TTC33: variants seen among roughly 807,000 people sequenced by gnomAD.
TTC33 encodes tetratricopeptide repeat protein 33.
In TTC33, 24 loss-of-function variants were observed where a neutral mutation model predicts 29.4. The observed-to-expected ratio is 0.82, with a 90% CI of 0.59 to 1.15. The LOEUF (loss-of-function observed/expected upper bound fraction) is 1.15, where lower values mean the gene tolerates loss of function less well. Among genes scored for constraint, TTC33 ranks in the 50% most tolerant of loss-of-function variants. The pLI is 0.00. For synonymous variants in TTC33, 107 were observed against 100.3 expected (o/e 1.07, Z -0.40); for missense variants, 286 against 310.4 (o/e 0.92, Z 0.59).
At chr5:40,722,363 G>C (rs952700132) in intron 4 of TTC33, among the ~76,000 whole-genome samples, 1 of 151,996 alleles carries the variant, frequency 6.6e-6, no homozygotes, top group Non-Finnish European at 1.5e-5. Flanking sequence ...CTGCCTGGCC[G>C]CCCATCGTCT....
At position 40,722,395 on chromosome 5, in the gene TTC33, C is replaced by T. The variant is rs1480171929; in HGVS notation, c.436-5897G>A. On this transcript the variant is annotated intron_variant, in intron 4 of 4. Coordinates refer to ENST00000337702, the MANE Select transcript of TTC33 (RefSeq NM_012382.3). ...GTCTGGGATGTGAGGAGCCCCTCTGCCCGGCCGCCCAGTCTGGGAAGTGAG... is the reference window on the plus strand; with the variant it reads ...GTCTGGGATGTGAGGAGCCCCTCTGTCCGGCCGCCCAGTCTGGGAAGTGAG... Among the ~76,000 whole-genome samples the T allele has an allele frequency of 7.2e-5, 11 of 151,896 alleles. No individual in the cohort carries two copies. The East Asian group carries it at 2.0e-3, about 27-fold the overall frequency.
At position 40,755,823 on chromosome 5, in the gene TTC33, C is replaced by T. The variant is rs1423514436; in HGVS notation, c.-2+1G>A. 1 of 152,616 alleles carries T rather than the reference C, an allele frequency of 6.6e-6. No homozygotes were observed. The highest frequency in any genetic ancestry group is 1.5e-5 in the Non-Finnish European group (1 of 68,214). The allele number at this position is 152,616 out of a possible 1,614,324, so 9.5% of individuals were successfully genotyped here. ...AGAAATTATCACGCCCAAATTCCTA[C>T]CTGCCTTCCCTGGATTCCTGGTTTC... On this transcript the variant is annotated splice_donor_variant, in intron 1 of 4. Coordinates refer to ENST00000337702, the MANE Select transcript of TTC33 (RefSeq NM_012382.3). LOFTEE classifies it low-confidence loss of function (5UTR_SPLICE).
chr5:40,736,223 G>A (rs544098332), intron 2 of TTC33, among the ~76,000 whole-genome samples: 1 of 152,258 alleles, frequency 6.6e-6, no homozygotes, highest in South Asian at 2.1e-4. Context: ...AGAAAATAAA[G>A]TCATTCTACA....
intron 1 of TTC33, among the ~76,000 whole-genome samples, chr5:40,754,341 T>C (rs1337923778): frequency 6.6e-6 from 1 of 152,042 alleles, no homozygotes; most frequent in Non-Finnish European, 1.5e-5. Flanking sequence ...GGAGTTAATA[T>C]TGAGTGAAAC....
chr5:40,719,827 T>G (rs1407779470), intron 4 of TTC33, among the ~76,000 whole-genome samples: 2 of 152,252 alleles, frequency 1.3e-5, no homozygotes, highest in Admixed American at 1.3e-4. Context: ...ATTAGCTGTG[T>G]GTGTATCTTC....
intron 2 of TTC33, among the ~76,000 whole-genome samples, chr5:40,746,477 C>G (rs1029566310): frequency 6.6e-5 from 10 of 152,068 alleles, no homozygotes; most frequent in African/African-American, 2.4e-4. Flanking sequence ...AGTGATAAGA[C>G]CACCTTTTAC....
chr5:40,749,524 G>A (rs889338215), intron 1 of TTC33, among the ~76,000 whole-genome samples: 1 of 152,166 alleles, frequency 6.6e-6, no homozygotes, highest in Admixed American at 6.5e-5. Context: ...ACCAAAGAAT[G>A]GGCACTGTGG....
chr5:40,748,052 C>T (rs1324210897), intron 1 of TTC33, among the ~76,000 whole-genome samples: 1 of 152,168 alleles, frequency 6.6e-6, no homozygotes, highest in Non-Finnish European at 1.5e-5. Context: ...GTCTCAAACT[C>T]CTGACCTTAG....
rs780055150 is a variant in TTC33 at position 40,711,760 on chromosome 5, G to T, written c.*4385C>A. Among the ~76,000 whole-genome samples the T allele has an allele frequency of 1.5e-4, 23 of 151,952 alleles. No individual in the cohort carries two copies. Among genetic ancestry groups the T allele is most frequent in the Non-Finnish European group, 2.5e-4 (17 of 67,980 alleles). On this transcript the variant is annotated 3_prime_UTR_variant, in exon 5 of 5. Coordinates refer to ENST00000337702, the MANE Select transcript of TTC33 (RefSeq NM_012382.3). ...ACATGGATGAATCTCAACATGGATG[G>T]GTTTCAAAAGCATCATGTTAAGCAA...
At chr5:40,730,456 T>C in intron 2 of TTC33, 113 bp from the exon 3 acceptor site, 1 of 795,990 alleles carries the variant, frequency 1.3e-6, no homozygotes. Context: ...ACCATTTAAG[T>C]GTACAGTTCA....
chr5:40,719,414 T>A (rs1414463912), intron 4 of TTC33, among the ~76,000 whole-genome samples: 1 of 152,262 alleles, frequency 6.6e-6, no homozygotes, highest in Non-Finnish European at 1.5e-5. Context: ...TAATATTTCA[T>A]TGTATGGATA....
chr5:40,749,623 A>G lies in TTC33; in HGVS notation c.-1-2604T>C, dbSNP rs527864668. ...CTGATGCACATGGCTGAAGTGATGT[A>G]TAAGTACAGGCCTATCTCAGAGTTG... On this transcript the variant is annotated intron_variant, in intron 1 of 4. Coordinates refer to ENST00000337702, the MANE Select transcript of TTC33 (RefSeq NM_012382.3). Among the ~76,000 whole-genome samples the G allele has an allele frequency of 2.6e-5, 4 of 152,348 alleles. No homozygotes were observed. The South Asian group carries it at 6.2e-4, about 24-fold the overall frequency.
intron 2 of TTC33, among the ~76,000 whole-genome samples, chr5:40,739,944 T>TTA (rs1554028108): frequency 6.6e-6 from 1 of 151,926 alleles, no homozygotes; most frequent in East Asian, 1.9e-4. Context: ...TGCTTTTTTT[T>TTA]AAAAATAAAG....
chr5:40,720,673 CA>C (rs1284299996), intron 4 of TTC33, among the ~76,000 whole-genome samples: 5 of 152,256 alleles, frequency 3.3e-5, no homozygotes, highest in African/African-American at 9.6e-5. Context: ...CAACAATTCA[CA>C]AACAAAATTC....
rs948666482 is a variant in TTC33, at chr5:40,713,237, T to A, written c.*2908A>T. ...ATAGCTCAGAATTGCTGGTCCAGAG[T>A]CACTTTAGAATGGCTCTGATTCAAG... On this transcript the variant is annotated 3_prime_UTR_variant, in exon 5 of 5. Transcript: ENST00000337702. 4.6e-5 allele frequency among the ~76,000 whole-genome samples: 7 copies of A among 152,078 alleles called. No homozygotes were observed. The highest frequency in any genetic ancestry group is 1.7e-4 in the African/African-American group (7 of 41,426).
At position 40,752,590 on chromosome 5, in the gene TTC33, T is replaced by C. The variant is rs249426; in HGVS notation, c.-2+3234A>G. On this transcript the variant is annotated intron_variant, in intron 1 of 4. Transcript: ENST00000337702. ...AGAGATGGGAATAGCCAGTTGGTGG[T>C]ACAGCATTCAAAACACACATTTATT... 1.1e-3 allele frequency among the ~76,000 whole-genome samples: 166 copies of C among 152,306 alleles called. 1 individual carries two copies. In the East Asian group the frequency reaches 0.027, roughly 24 times the overall value.
intron 4 of TTC33, among the ~76,000 whole-genome samples, chr5:40,727,885 G>A (rs796066843): frequency 3.9e-5 from 6 of 152,232 alleles, no homozygotes; most frequent in African/African-American, 1.4e-4. Context: ...TAATACCTGT[G>A]AACTGTGTTT....
Position 40,737,786 on chromosome 5 carries a change from T to A in TTC33, c.222-7443A>T, listed in dbSNP as rs553752108. Among the ~76,000 whole-genome samples, 3 of 152,336 alleles carry A rather than the reference T, an allele frequency of 2.0e-5. No individual in the cohort carries two copies. The South Asian group carries it at 6.2e-4, about 32-fold the overall frequency. On this transcript the variant is annotated intron_variant, in intron 2 of 4. Coordinates refer to ENST00000337702, the MANE Select transcript of TTC33 (RefSeq NM_012382.3). ...CCCAGACAACTACTGATTTTTTCTG[T>A]CACTATGGATTAATTTGTCTTTAGA...
intron 2 of TTC33, among the ~76,000 whole-genome samples, chr5:40,732,209 G>C (rs547147904): frequency 1.3e-5 from 2 of 151,960 alleles, no homozygotes; most frequent in South Asian, 4.1e-4. Context: ...TAGAGACAGG[G>C]TCTCACTATG....
Sources: allele counts gnomAD v4.1 joint callset (sites outside exome capture counted in the v4.1 genomes callset), GRCh38; gene constraint gnomAD v4.1.1; transcripts MANE v1.5; gene names NCBI Gene and HGNC (gene_info 2026-07-23, HGNC 2026-07-21).